The following SETBP1 variants were observed in gnomAD, a reference collection of about 807,000 sequenced individuals.
The protein encoded by SETBP1 is SET binding protein 1.
In SETBP1, 9 loss-of-function variants were observed where a neutral mutation model predicts 101.0. The ratio of observed to expected loss-of-function variants is 0.09; its 90% CI spans 0.05 to 0.16. The LOEUF is 0.16. SETBP1 is among the 10% of genes least tolerant of loss of function. SETBP1 has a pLI of 1.00. For synonymous variants in SETBP1, 818 were observed against 788.5 expected (o/e 1.04, Z -0.63); for missense variants, 1,858 against 2,033.8 (o/e 0.91, Z 1.66).
intron 1 of SETBP1, among the ~76,000 whole-genome samples, chr18:44,693,262 C>T (rs1285654567): frequency 6.6e-6 from 1 of 152,186 alleles, no homozygotes; most frequent in Admixed American, 6.5e-5. Context: ...TGGAGTGTCT[C>T]TCTGTATCAG....
intron 4 of SETBP1, among the ~76,000 whole-genome samples, chr18:45,026,939 C>G (rs917999807): frequency 6.6e-6 from 1 of 152,166 alleles, no homozygotes; most frequent in Non-Finnish European, 1.5e-5. Flanking sequence ...TTCTCCCTCC[C>G]CCACCACCAC....
chr18:45,024,367 T>C (rs2073125304), intron 4 of SETBP1, among the ~76,000 whole-genome samples: 1 of 152,232 alleles, frequency 6.6e-6, no homozygotes, highest in Non-Finnish European at 1.5e-5. Context: ...AGTGTGAGGC[T>C]GCTTTTCCTG....
chr18:44,894,835 G>A (rs993452926), intron 3 of SETBP1, among the ~76,000 whole-genome samples: 2 of 151,520 alleles, frequency 1.3e-5, no homozygotes, highest in South Asian at 2.1e-4. Flanking sequence ...ATTCACTGTT[G>A]AAAACTTAAT....
chr18:44,765,997 G>T (rs557873365), intron 2 of SETBP1, among the ~76,000 whole-genome samples: 1 of 152,226 alleles, frequency 6.6e-6, no homozygotes, highest in Non-Finnish European at 1.5e-5. Flanking sequence ...AAATCCACAG[G>T]CTTCCTCACC....
chr18:44,883,680 C>G (rs191445153), intron 3 of SETBP1, among the ~76,000 whole-genome samples: 1 of 152,176 alleles, frequency 6.6e-6, no homozygotes, highest in Non-Finnish European at 1.5e-5. Context: ...ATTTTAAGTG[C>G]TTTCTTATAC....
chr18:44,927,301 A>G (rs2070727300), intron 3 of SETBP1, among the ~76,000 whole-genome samples: 1 of 152,072 alleles, frequency 6.6e-6, no homozygotes, highest in African/African-American at 2.4e-5. Flanking sequence ...TTCAACCTTC[A>G]CTGTCACCAT....
intron 2 of SETBP1, among the ~76,000 whole-genome samples, chr18:44,704,240 G>C (rs542516043): frequency 1.3e-5 from 2 of 152,312 alleles, no homozygotes; most frequent in Admixed American, 1.3e-4. Flanking sequence ...CATATCTGAA[G>C]TTCTCAGGCT....
intron 4 of SETBP1, chr18:44,986,970 C>T (rs2072254381): frequency 6.6e-6 from 1 of 151,528 alleles, no homozygotes; most frequent in Non-Finnish European, 1.5e-5. Flanking sequence ...TAACTAAAAC[C>T]AGTAACATAG....
chr18:45,026,939 C>T (rs917999807), intron 4 of SETBP1, among the ~76,000 whole-genome samples: 3 of 152,166 alleles, frequency 2.0e-5, no homozygotes, highest in South Asian at 4.1e-4. Context: ...TTCTCCCTCC[C>T]CCACCACCAC....
chr18:44,747,609 T>A (rs1362945000), intron 2 of SETBP1, among the ~76,000 whole-genome samples: 2 of 152,380 alleles, frequency 1.3e-5, no homozygotes, highest in Non-Finnish European at 2.9e-5. Flanking sequence ...CTGATGCCTC[T>A]GTCTGTTTCC....
At chr18:45,026,941 C>T (rs1295865187) in intron 4 of SETBP1, among the ~76,000 whole-genome samples, 1 of 152,170 alleles carries the variant, frequency 6.6e-6, no homozygotes. Context: ...CTCCCTCCCC[C>T]ACCACCACTG....
chr18:44,680,238 C>A (rs1251154357), upstream of SETBP1: 1 of 146,360 alleles, frequency 6.8e-6, no homozygotes, highest in African/African-American at 2.5e-5. Context: ...GGCCCCGGCG[C>A]CCCCCGAGCT....
chr18:44,758,984 T>C (rs2070573254), intron 2 of SETBP1, among the ~76,000 whole-genome samples: 1 of 152,236 alleles, frequency 6.6e-6, no homozygotes, highest in Non-Finnish European at 1.5e-5. Flanking sequence ...GCCCGTGGTC[T>C]ACACCCAAAC....
intron 2 of SETBP1, among the ~76,000 whole-genome samples, chr18:44,836,222 T>A (rs906712951): frequency 6.6e-6 from 1 of 152,164 alleles, no homozygotes; most frequent in African/African-American, 2.4e-5. Context: ...AACACTGAAT[T>A]GTATATCAGC....
At chr18:44,911,489 A>T (rs1415461725) in intron 3 of SETBP1, among the ~76,000 whole-genome samples, 1 of 152,234 alleles carries the variant, frequency 6.6e-6, no homozygotes. Flanking sequence ...CAGCGTTCAC[A>T]TTAGAACCCA....
At position 44,953,309 on chromosome 18, in the gene SETBP1, G is replaced by C; in HGVS notation, c.3969G>C (p.Glu1323Asp). ...DIQAFKMNRK[E>D]RSSYDSSMSP... ...AAGCCTTCAAGATGAACCGCAAGGA[G>C]AGAAGTTCTTATGACTCCTCCATGT... The change falls in exon 4 of 6, where the codon GAG becomes GAC. Residue 1323 changes from glutamate (E) to aspartate (D), a missense_variant. Transcript: ENST00000649279. 6.2e-7 allele frequency: 1 copy of C among 1,613,986 alleles called. No homozygotes were observed. Among genetic ancestry groups the C allele is most frequent in the South Asian group, 1.1e-5 (1 of 91,080 alleles).
At chr18:44,890,909 G>A (rs1026876137) in intron 3 of SETBP1, among the ~76,000 whole-genome samples, 13 of 152,064 alleles carry the variant, frequency 8.5e-5, no homozygotes, top group African/African-American at 3.1e-4. Flanking sequence ...CAAGTCTAGG[G>A]TTCTTGGCAA....
intron 3 of SETBP1, chr18:44,872,013 C>A (rs1189522613): frequency 1.3e-5 from 2 of 152,200 alleles, no homozygotes; most frequent in Non-Finnish European, 2.9e-5. Flanking sequence ...AAACACATCT[C>A]CTTTTACCTT....
chr18:44,917,975 T>A (rs762095280), intron 3 of SETBP1, among the ~76,000 whole-genome samples: 20 of 152,150 alleles, frequency 1.3e-4, no homozygotes, highest in Non-Finnish European at 2.8e-4. Context: ...CTAGTGCTCA[T>A]GTGCCCTTAA....
Sources: allele counts gnomAD v4.1 joint callset (sites outside exome capture counted in the v4.1 genomes callset), GRCh38; gene constraint gnomAD v4.1.1; transcripts MANE v1.5; gene names NCBI Gene and HGNC (gene_info 2026-07-23, HGNC 2026-07-21).